GPHN: variants seen among roughly 807,000 people sequenced by gnomAD.
GPHN encodes gephyrin.
In GPHN, 17 loss-of-function variants were observed where a neutral mutation model predicts 95.5. That is an observed-to-expected ratio of 0.18 (90% CI 0.12 to 0.27). GPHN has a LOEUF of 0.27. Ranked by LOEUF, GPHN falls within the 10% of genes least tolerant of loss-of-function variation. GPHN has a pLI of 1.00. For synonymous variants in GPHN, 320 were observed against 322.5 expected (o/e 0.99, Z 0.08); for missense variants, 660 against 978.1 (o/e 0.67, Z 4.34).
chr14:67,592,056 G>A, the GPHN span: 426 of 157,270 alleles, frequency 2.7e-3, 2 homozygotes, highest in African/African-American at 9.6e-3. Flanking sequence ...TCTAAAAAAA[G>A]TGTACAGTAG....
the GPHN span, among the ~76,000 whole-genome samples, chr14:67,457,678 C>A: frequency 6.6e-6 from 1 of 152,310 alleles, no homozygotes; most frequent in East Asian, 1.9e-4. Flanking sequence ...GTTGTCACGG[C>A]CCCCCAGCTA....
At chr14:67,607,125 A>G in the GPHN span, among the ~76,000 whole-genome samples, 1 of 150,704 alleles carries the variant, frequency 6.6e-6, no homozygotes, top group Non-Finnish European at 1.5e-5. Flanking sequence ...TTTGAGAAGT[A>G]TATATATAAC....
At chr14:67,619,083 T>C in the GPHN span, among the ~76,000 whole-genome samples, 1 of 152,350 alleles carries the variant, frequency 6.6e-6, no homozygotes, top group Admixed American at 6.5e-5. Flanking sequence ...AAATTACTTA[T>C]GTCTTTGATC....
chr14:67,099,166 A>G (rs2077555951), intron 12 of GPHN, among the ~76,000 whole-genome samples: 1 of 151,428 alleles, frequency 6.6e-6, no homozygotes. Flanking sequence ...CTGGAGTGCA[A>G]TGGCACGATC....
chr14:67,650,696 TCA>T, the GPHN span: 11 of 1,612,248 alleles, frequency 6.8e-6, no homozygotes, highest in Admixed American at 5.0e-5. Context: ...TGAGGTTTTG[TCA>T]CACTTTGTTC....
chr14:67,395,585 T>A, the GPHN span: 1 of 1,613,862 alleles, frequency 6.2e-7, no homozygotes, highest in Admixed American at 1.7e-5. Flanking sequence ...AATGAGGAGC[T>A]GTGGGAAGAG....
At chr14:66,761,391 T>G (rs145414631) in intron 2 of GPHN, among the ~76,000 whole-genome samples, 1,832 of 152,292 alleles carry the variant, frequency 0.012, 19 homozygotes, top group Non-Finnish European at 0.018. Context: ...CCTTTATTAA[T>G]ATTATAGAAG....
Position 66,508,547 on chromosome 14 carries a change from T to G in GPHN, c.20T>G (p.Ile7Ser). 1 of 1,614,016 alleles carries G rather than the reference T, an allele frequency of 6.2e-7. No individual in the cohort carries two copies. The highest frequency in any genetic ancestry group is 8.5e-7 in the Non-Finnish European group (1 of 1,179,916). The change falls in exon 1 of 23, where the codon ATC becomes AGC. Residue 7 changes from isoleucine to serine, a missense_variant. By Grantham distance (142) the Ile-to-Ser change is moderately radical. Coordinates refer to ENST00000478722, the MANE Select transcript of GPHN (RefSeq NM_020806.5). ...GGAAACATGGCGACCGAGGGAATGATCCTTACTAACCACGACCATCAAATC... is the reference window on the plus strand; with the variant it reads ...GGAAACATGGCGACCGAGGGAATGAGCCTTACTAACCACGACCATCAAATC... MATEGM[I>S]LTNHDHQIRV...
intron 9 of GPHN, among the ~76,000 whole-genome samples, chr14:66,979,698 C>G (rs574547999): frequency 6.6e-6 from 1 of 152,298 alleles, no homozygotes; most frequent in Non-Finnish European, 1.5e-5. Context: ...CTTTAAATTT[C>G]CTTCCAGAAC....
At chr14:67,185,351 G>T (rs945885543), downstream of GPHN, among the ~76,000 whole-genome samples, 7 of 152,194 alleles carry the variant, frequency 4.6e-5, no homozygotes, top group African/African-American at 1.7e-4. Flanking sequence ...TTCCTTCTGA[G>T]TTAGAAAAGG....
the GPHN span, among the ~76,000 whole-genome samples, chr14:67,351,189 T>C: frequency 6.6e-6 from 1 of 152,210 alleles, no homozygotes; most frequent in African/African-American, 2.4e-5. Context: ...TATATCTGGT[T>C]TGGGACAGTT....
At chr14:67,469,934 G>A in the GPHN span, among the ~76,000 whole-genome samples, 13 of 152,176 alleles carry the variant, frequency 8.5e-5, no homozygotes, top group South Asian at 2.1e-4. Flanking sequence ...GGAGGAGCTC[G>A]TCTCATGGGC....
the GPHN span, among the ~76,000 whole-genome samples, chr14:67,314,958 A>C: frequency 1.5e-4 from 23 of 152,198 alleles, no homozygotes; most frequent in African/African-American, 5.3e-4. Flanking sequence ...AAATTTAAAA[A>C]TTAGCTGGGC....
the GPHN span, chr14:67,382,643 G>T: frequency 6.3e-7 from 1 of 1,592,902 alleles, no homozygotes; most frequent in South Asian, 1.1e-5. Flanking sequence ...CCTAAAAGGA[G>T]TTCTTGTAGG....
intron 2 of GPHN, among the ~76,000 whole-genome samples, chr14:66,709,875 G>A (rs1462399497): frequency 1.3e-5 from 2 of 151,890 alleles, no homozygotes; most frequent in African/African-American, 4.8e-5. Context: ...AAGACAATTT[G>A]AGTTATCAGT....
chr14:66,696,951 GTC>G (rs922358038), intron 2 of GPHN, among the ~76,000 whole-genome samples: 19 of 152,138 alleles, frequency 1.2e-4, no homozygotes, highest in Admixed American at 3.9e-4. Flanking sequence ...TTTTAAAAAA[GTC>G]TGAATAGTTG....
the GPHN span, among the ~76,000 whole-genome samples, chr14:67,304,795 CAAT>C: frequency 1.3e-5 from 2 of 149,418 alleles, no homozygotes; most frequent in African/African-American, 5.0e-5. Context: ...AATTATATAT[CAAT>C]AAAGCTATTT....
At chr14:66,832,367 T>C (rs1184007630) in intron 4 of GPHN, among the ~76,000 whole-genome samples, 1 of 152,208 alleles carries the variant, frequency 6.6e-6, no homozygotes, top group Non-Finnish European at 1.5e-5. Context: ...TTAACAGTAC[T>C]ACCTGTTATC....
chr14:66,852,751 G>A (rs918087438), intron 4 of GPHN, among the ~76,000 whole-genome samples: 3 of 152,076 alleles, frequency 2.0e-5, no homozygotes, highest in Admixed American at 2.0e-4. Context: ...AAAGAACAGT[G>A]CCTATCAATG....
Sources: gnomAD v4.1 joint callset for allele counts (sites outside exome capture counted in the v4.1 genomes callset) on GRCh38, gnomAD v4.1.1 for gene constraint, MANE v1.5 for transcripts, NCBI Gene and HGNC (gene_info 2026-07-23, HGNC 2026-07-21) for gene names.